The following RARB variants were observed in gnomAD, a reference collection of about 807,000 sequenced individuals.
RARB encodes the protein retinoic acid receptor beta.
A neutral mutation model predicts 51.9 loss-of-function variants in RARB; 17 were observed. The ratio of observed to expected loss-of-function variants is 0.33; its 90% CI spans 0.22 to 0.49. RARB has a LOEUF of 0.49. Among genes scored for constraint, RARB ranks in the 20% least tolerant of loss-of-function variants. RARB has a pLI of 0.99. For synonymous variants in RARB, 215 were observed against 195.4 expected, an observed-to-expected ratio of 1.10 and a Z score of -0.84; for missense variants, 369 against 550.8, an observed-to-expected ratio of 0.67 and a Z score of 3.30.
intron 5 of RARB, among the ~76,000 whole-genome samples, chr3:25,355,405 A>T (rs1173023373): frequency 3.9e-5 from 6 of 152,042 alleles, no homozygotes; most frequent in Non-Finnish European, 5.9e-5. Context: ...AGATAATCTG[A>T]TGGAATCCTT....
chr3:24,866,479 T>A (rs1421932315), intron 2 of RARB, among the ~76,000 whole-genome samples: 1 of 152,130 alleles, frequency 6.6e-6, no homozygotes, highest in African/African-American at 2.4e-5. Context: ...CATGTACCCA[T>A]GGTTCCAGAT....
rs191954860 is a variant in RARB, at chr3:25,270,637, C to A, written c.178+96062C>A. On this transcript the variant is annotated intron_variant, in intron 5 of 11. Coordinates refer to the RARB transcript ENST00000383772. ...GAGAGAATAAGCCGTGTTATCCCAG[C>A]CTATCACTGATAATTAATACCTGGG... 2.8e-3 allele frequency among the ~76,000 whole-genome samples: 424 copies of A among 152,286 alleles called. 1 individual carries two copies. The highest frequency in any genetic ancestry group is 6.8e-3 in the Middle Eastern group (2 of 294).
chr3:24,889,742 T>C (rs1342242447), intron 2 of RARB, among the ~76,000 whole-genome samples: 1 of 146,464 alleles, frequency 6.8e-6, no homozygotes, highest in African/African-American at 2.5e-5. Context: ...AGGGCACAAA[T>C]TCTAATTTTT....
chr3:25,570,971 GC>G (rs756396793), intron 4 of RARB, among the ~76,000 whole-genome samples: 3 of 151,968 alleles, frequency 2.0e-5, no homozygotes, highest in Non-Finnish European at 4.4e-5. Flanking sequence ...GAGCGGCGGG[GC>G]TTTGGAGCAG....
intron 5 of RARB, among the ~76,000 whole-genome samples, chr3:25,247,907 T>G (rs1702607435): frequency 6.6e-6 from 1 of 152,274 alleles, no homozygotes; most frequent in South Asian, 2.1e-4. Context: ...TAGTCTAAAG[T>G]GCAGTTTAAA....
At chr3:25,130,862 A>G (rs1382349727) in intron 3 of RARB, among the ~76,000 whole-genome samples, 1 of 147,828 alleles carries the variant, frequency 6.8e-6, no homozygotes, top group African/African-American at 2.6e-5. Flanking sequence ...TAATATGTCA[A>G]TGTGTCATAT....
chr3:25,127,581 C>T (rs1699882597), intron 3 of RARB, among the ~76,000 whole-genome samples: 1 of 152,010 alleles, frequency 6.6e-6, no homozygotes, highest in Non-Finnish European at 1.5e-5. Context: ...CCCACTACCA[C>T]ACTAGGTTAT....
chr3:25,185,012 A>G (rs1273817849), intron 5 of RARB, among the ~76,000 whole-genome samples: 1 of 152,212 alleles, frequency 6.6e-6, no homozygotes, highest in Non-Finnish European at 1.5e-5. Context: ...CAGGACAATC[A>G]TTCCATTAAT....
intron 5 of RARB, among the ~76,000 whole-genome samples, chr3:25,196,576 G>A (rs1474382871): frequency 2.0e-5 from 3 of 152,020 alleles, no homozygotes; most frequent in African/African-American, 7.2e-5. Context: ...AATCCTTTGG[G>A]TATACACCCA....
intron 2 of RARB, among the ~76,000 whole-genome samples, chr3:24,939,443 T>A (rs1695613055): frequency 6.6e-6 from 1 of 152,342 alleles, no homozygotes; most frequent in East Asian, 1.9e-4. Context: ...TTATATAGTC[T>A]TTTTAAATCT....
Position 25,267,903 on chromosome 3 carries a change from T to A in RARB, c.178+93328T>A, listed in dbSNP as rs115810360. On this transcript the variant is annotated intron_variant, in intron 5 of 11. Transcript: ENST00000383772. The stretch of plus-strand genomic sequence containing the variant: ...CTCAGGAATGAGCATAGAAATCTAA[T>A]ATGGAAAATTGGCAAATGTGTACGC... Among the ~76,000 whole-genome samples the A allele has an allele frequency of 4.6e-3, 703 of 152,292 alleles. 6 individuals carry two copies. The highest frequency in any genetic ancestry group is 0.016 in the African/African-American group (655 of 41,564).
At chr3:25,316,434 T>C (rs1704427520) in intron 5 of RARB, among the ~76,000 whole-genome samples, 2 of 152,096 alleles carry the variant, frequency 1.3e-5, no homozygotes, top group Admixed American at 1.3e-4. Flanking sequence ...TTAAGCCAAG[T>C]CATCTAGTAG....
At chr3:25,387,740 CA>C (rs1181018289) in intron 5 of RARB, among the ~76,000 whole-genome samples, 1 of 152,092 alleles carries the variant, frequency 6.6e-6, no homozygotes, top group Non-Finnish European at 1.5e-5. Flanking sequence ...CTCACTTCAG[CA>C]ATGTCTTTGT....
chr3:25,084,461 G>A (rs1170249866), intron 3 of RARB, among the ~76,000 whole-genome samples: 1 of 150,718 alleles, frequency 6.6e-6, no homozygotes, highest in Non-Finnish European at 1.5e-5. Flanking sequence ...GTTTTATTTT[G>A]TTGACTTTTA....
intron 5 of RARB, among the ~76,000 whole-genome samples, chr3:25,234,883 A>G (rs958163659): frequency 2.0e-5 from 3 of 151,978 alleles, no homozygotes; most frequent in Non-Finnish European, 4.4e-5. Context: ...TTGGGGTTTT[A>G]CCTACCCATG....
chr3:25,112,059 C>G (rs1323349515), intron 3 of RARB, among the ~76,000 whole-genome samples: 1 of 152,162 alleles, frequency 6.6e-6, no homozygotes, highest in East Asian at 1.9e-4. Context: ...TGCCACCCCA[C>G]AGATAGTAGG....
intron 5 of RARB, among the ~76,000 whole-genome samples, chr3:25,322,136 C>G (rs554604912): frequency 1.5e-5 from 2 of 129,398 alleles, no homozygotes; most frequent in East Asian, 4.8e-4. Context: ...GAGGTATTCC[C>G]AAATACGTAT....
intron 3 of RARB, among the ~76,000 whole-genome samples, chr3:25,524,954 C>G (rs936739087): frequency 2.6e-5 from 4 of 152,046 alleles, no homozygotes; most frequent in Non-Finnish European, 5.9e-5. Flanking sequence ...GTCTCAAACT[C>G]CTGACCTCAG....
chr3:25,188,710 C>A (rs143699639), intron 5 of RARB, among the ~76,000 whole-genome samples: 1 of 152,068 alleles, frequency 6.6e-6, no homozygotes, highest in East Asian at 1.9e-4. Context: ...ATTATAACTA[C>A]CATTTGTGTG....
Sources: allele counts gnomAD v4.1 joint callset (sites outside exome capture counted in the v4.1 genomes callset), GRCh38; gene constraint gnomAD v4.1.1; transcripts MANE v1.5; gene names NCBI Gene and HGNC (gene_info 2026-07-23, HGNC 2026-07-21).